Variants in CEP120 observed in about 807,000 individuals in gnomAD.
The protein encoded by CEP120 is centrosomal protein of 120 kDa.
In CEP120, 113 loss-of-function variants were observed where a neutral mutation model predicts 126.5. That is an observed-to-expected ratio of 0.89 (90% CI 0.77 to 1.04). The LOEUF (loss-of-function observed/expected upper bound fraction) is 1.04. Among genes scored for constraint, CEP120 ranks in the 50% least tolerant of loss-of-function variants. The pLI, the probability that CEP120 is intolerant of heterozygous loss-of-function variation, is 0.00. For synonymous variants in CEP120, 400 were observed against 394.3 expected (o/e 1.01, Z -0.17); for missense variants, 1,230 against 1,155.7 (o/e 1.06, Z -0.93).
intron 18 of CEP120, among the ~76,000 whole-genome samples, chr5:123,356,020 T>C (rs1185631030): frequency 6.6e-6 from 1 of 152,138 alleles, no homozygotes; most frequent in African/African-American, 2.4e-5. Context: ...CCCAGCACCA[T>C]TTATTAAATA....
chr5:123,413,449 C>T (rs749407113), intron 3 of CEP120, among the ~76,000 whole-genome samples: 1 of 152,012 alleles, frequency 6.6e-6, no homozygotes, highest in Non-Finnish European at 1.5e-5. Context: ...ATGAAGCATC[C>T]TAAATTATTT....
At chr5:123,379,791 A>G (rs1460311458) in intron 14 of CEP120, among the ~76,000 whole-genome samples, 1 of 152,086 alleles carries the variant, frequency 6.6e-6, no homozygotes, top group East Asian at 1.9e-4. Context: ...CTTAATGCAG[A>G]GTGTATTTCA....
intron 18 of CEP120, among the ~76,000 whole-genome samples, chr5:123,359,605 A>G (rs1769921943): frequency 6.6e-6 from 1 of 151,972 alleles, no homozygotes; most frequent in African/African-American, 2.4e-5. Context: ...AACAAGTAGA[A>G]CTTTTAACTT....
rs1774368115 is a variant in CEP120 at position 123,416,102 on chromosome 5, G to C, written c.229C>G (p.Leu77Val). ...ACAGGATCCAAGGCAAAACATTGGA[G>C]TTTGATAGGAGTACGCTGTAGCCTA... ...QHRLQRTPIK[L>V]QCFALDPVTS... Residue 77 changes from leucine (L) to valine (V), a missense_variant, in exon 3 of 20, where the codon CTC becomes GTC. Physicochemically the swap from Leu to Val is conservative, Grantham distance 32. Transcript: ENST00000306467. 1 of 1,612,312 alleles carries C rather than the reference G, an allele frequency of 6.2e-7. No individual in the cohort carries two copies. Among genetic ancestry groups the C allele is most frequent in the African/African-American group, 1.3e-5 (1 of 74,910 alleles).
intron 16 of CEP120, among the ~76,000 whole-genome samples, chr5:123,374,213 A>AAACAAC (rs577450819): frequency 6.6e-6 from 1 of 151,882 alleles, no homozygotes; most frequent in Admixed American, 6.6e-5. Flanking sequence ...TAATAGGTAA[A>AAACAAC]AACAACAACA....
intron 11 of CEP120, among the ~76,000 whole-genome samples, chr5:123,384,304 T>A (rs985639673): frequency 6.6e-6 from 1 of 152,054 alleles, no homozygotes; most frequent in East Asian, 1.9e-4. Context: ...CTCTTTTTTT[T>A]AGTCTTATCT....
intron 6 of CEP120, among the ~76,000 whole-genome samples, chr5:123,392,999 G>A (rs937950018): frequency 1.3e-5 from 2 of 152,006 alleles, no homozygotes; most frequent in African/African-American, 2.4e-5. Context: ...AATCTTGCTC[G>A]TGCCTGCTGC....
intron 1 of CEP120, among the ~76,000 whole-genome samples, chr5:123,419,329 A>G (rs1284836656): frequency 1.3e-5 from 2 of 152,320 alleles, no homozygotes; most frequent in East Asian, 3.9e-4. Context: ...CCTGCAGCTT[A>G]ATTTTTCTGT....
chr5:123,377,543 CAAAGG>C lies in CEP120; in HGVS notation c.2197-13_2197-9del. The C allele has an allele frequency of 6.4e-7, 1 of 1,571,458 alleles. No homozygotes were observed. ...CTTTTTTTCTCTTTGAAGCTTAAAA[CAAAGG>C]CATCTTTAAGAGGTTGGTTTATTGC... is the stretch of plus-strand genomic sequence containing the variant. On this transcript the variant is annotated splice_polypyrimidine_tract_variant and intron_variant, in intron 15 of 19. Coordinates refer to ENST00000306467, the MANE Select transcript of CEP120 (RefSeq NM_001375405.1).
Position 123,356,976 on chromosome 5 carries a change from G to T in CEP120, c.2581-6887C>A, listed in dbSNP as rs570720995. 1.1e-3 allele frequency among the ~76,000 whole-genome samples: 163 copies of T among 152,084 alleles called. 1 individual carries two copies. Among genetic ancestry groups the T allele is most frequent in the African/African-American group, 3.7e-3 (152 of 41,530 alleles). ...GAACCCAGGTATTTCTTTTGCTTCAGATTTGCCATGACAAATTCTGCCAAT... is the reference window on the plus strand; with the variant it reads ...GAACCCAGGTATTTCTTTTGCTTCATATTTGCCATGACAAATTCTGCCAAT... On this transcript the variant is annotated intron_variant, in intron 18 of 19. Transcript: ENST00000306467.
chr5:123,393,462 C>T lies in CEP120; in HGVS notation c.648G>A (p.Gln216=), dbSNP rs1353781585. The T allele has an allele frequency of 8.7e-6, 14 of 1,614,044 alleles. No individual in the cohort carries two copies. Among genetic ancestry groups the T allele is most frequent in the Non-Finnish European group, 1.2e-5 (14 of 1,179,970 alleles). ...AAGAGTAGTAAAAGAAAAACTCAGGCTGTCTTTCTGGAAGTTTCATGGTAC... is the reference window on the plus strand; with the variant it reads ...AAGAGTAGTAAAAGAAAAACTCAGGTTGTCTTTCTGGAAGTTTCATGGTAC... ...IPCTMKLPER[Q]PEFFFYYSLL... The change falls in exon 6 of 20, where the codon CAG becomes CAA. Residue 216 remains glutamine, a synonymous_variant. Transcript: ENST00000306467.
chr5:123,418,850 T>C (rs1774541610), intron 1 of CEP120, among the ~76,000 whole-genome samples: 1 of 152,174 alleles, frequency 6.6e-6, no homozygotes, highest in African/African-American at 2.4e-5. Context: ...CCCAAAGTGC[T>C]GGGATTACAG....
In CEP120 at chr5:123,386,676, T is replaced by TAAAA. The variant is rs75744800; in HGVS notation, c.1431-13_1431-10dup. On this transcript the variant is annotated splice_polypyrimidine_tract_variant and intron_variant, in intron 9 of 19. Coordinates refer to ENST00000306467, the MANE Select transcript of CEP120 (RefSeq NM_001375405.1). ...AGAATGGATATGAGTACCTAGAATTTAAAAAAAAAAAAAAAAAAAAAAGCC... is the reference window on the plus strand; with the variant it reads ...AGAATGGATATGAGTACCTAGAATTTAAAAAAAAAAAAAAAAAAAAAAAAAAGCC... The TAAAA allele has an allele frequency of 1.9e-4, 116 of 610,762 alleles. No individual in the cohort carries two copies. The highest frequency in any genetic ancestry group is 2.1e-4 in the South Asian group (4 of 18,626). 37.8% of individuals were successfully genotyped at this position (610,762 alleles called of 1,614,324 possible).
In CEP120 at chr5:123,346,519, T is replaced by C. The variant is rs377634928; in HGVS notation, c.2961A>G (p.Ter987=). The change falls in exon 20 of 20, where the codon TAA becomes TAG. Residue 987 remains the stop codon, a stop_retained_variant. Transcript: ENST00000306467. The part of the protein sequence containing the change: ...EILAKSNASN[*] ...CTCTATAAAGCTTTTCCAAATGTTA[T>C]TAATTACTGGCATTGCTTTTTGCCA... is the stretch of plus-strand genomic sequence containing the variant. 6.2e-7 allele frequency: 1 copy of C among 1,602,374 alleles called. No homozygotes were observed. The highest frequency in any genetic ancestry group is 8.5e-7 in the Non-Finnish European group (1 of 1,172,718).
Position 123,350,054 on chromosome 5 carries a change from T to C in CEP120, c.2616A>G (p.Lys872=), listed in dbSNP as rs1195924344. The part of the protein sequence containing the change: ...EQESQMARLK[K]QQEELEQMRL... ...TCATCTGTTCCAATTCTTCCTGCTG[T>C]TTTTTAAGACGAGCCATTTGACTTT... The change falls in exon 19 of 20, where the codon AAA becomes AAG. Residue 872 remains lysine (K), a synonymous_variant. Coordinates refer to ENST00000306467, the MANE Select transcript of CEP120 (RefSeq NM_001375405.1). 2 of 1,613,160 alleles carry C rather than the reference T, an allele frequency of 1.2e-6. No individual in the cohort carries two copies.
At chr5:123,374,421 TC>T (rs1348544878) in intron 16 of CEP120, among the ~76,000 whole-genome samples, 1 of 152,148 alleles carries the variant, frequency 6.6e-6, no homozygotes, top group Non-Finnish European at 1.5e-5. Flanking sequence ...CATTCAAATT[TC>T]TCTTAGAACA....
chr5:123,365,441 T>C (rs1232757645), intron 17 of CEP120, among the ~76,000 whole-genome samples: 1 of 151,738 alleles, frequency 6.6e-6, no homozygotes, highest in Non-Finnish European at 1.5e-5. Context: ...TAATACACTG[T>C]TACTCTGAAC....
At chr5:123,407,105 T>TAAAAAAAAAA (rs34074238) in intron 4 of CEP120, among the ~76,000 whole-genome samples, 1 of 124,746 alleles carries the variant, frequency 8.0e-6, no homozygotes, top group Admixed American at 7.9e-5. Flanking sequence ...ACTAAAAAAG[T>TAAAAAAAAAA]AAAAAAAAAA....
intron 18 of CEP120, among the ~76,000 whole-genome samples, chr5:123,359,876 A>G (rs1769942169): frequency 1.3e-5 from 2 of 152,030 alleles, no homozygotes; most frequent in Admixed American, 6.6e-5. Flanking sequence ...TCTCTGTTTA[A>G]ACATTCTTCT....
Sources: gnomAD v4.1 joint callset for allele counts (sites outside exome capture counted in the v4.1 genomes callset) on GRCh38, gnomAD v4.1.1 for gene constraint, MANE v1.5 for transcripts, NCBI Gene and HGNC (gene_info 2026-07-23, HGNC 2026-07-21) for gene names.